The following GALNT1 variants were observed in gnomAD, a reference collection of about 807,000 sequenced individuals.
The protein encoded by GALNT1 is GalNAc transferase 1.
A neutral mutation model predicts 65.7 loss-of-function variants in GALNT1; 17 were observed. The ratio of observed to expected loss-of-function variants is 0.26; its 90% CI spans 0.18 to 0.39. The LOEUF is 0.39. GALNT1 is among the 10% of genes least tolerant of loss of function. The pLI is 1.00. For missense variants in GALNT1, 460 were observed against 672.8 expected (o/e 0.68, Z 3.50); for synonymous variants, 210 against 219.7 (o/e 0.96, Z 0.39).
Position 35,689,214 on chromosome 18 carries a change from A to ATTACT in GALNT1, c.905_909dup (p.Gln304ThrfsTer20). 6.2e-7 allele frequency: 1 copy of ATTACT among 1,613,046 alleles called. No homozygotes were observed. Among genetic ancestry groups the ATTACT allele is most frequent in the Non-Finnish European group, 8.5e-7 (1 of 1,179,362 alleles). ...GGAGGCCTTTTTTCAATAGACAGAG[A>ATTACT]TTACTTTCAGGAAATTGGAACATAT... On this transcript the variant is annotated frameshift_variant, in exon 7 of 12. Coordinates refer to ENST00000269195, the MANE Select transcript of GALNT1 (RefSeq NM_020474.4). LOFTEE classifies it high-confidence loss of function.
intron 3 of GALNT1, among the ~76,000 whole-genome samples, chr18:35,669,204 G>GCCAGAT (rs201609107): frequency 0.033 from 4,962 of 149,788 alleles, 122 homozygotes; most frequent in Middle Eastern, 0.094. Context: ...TCACACCACT[G>GCCAGAT]CACTCCAGCC....
intron 1 of GALNT1, among the ~76,000 whole-genome samples, chr18:35,633,345 C>G (rs1481284763): frequency 6.6e-6 from 1 of 152,114 alleles, no homozygotes; most frequent in Non-Finnish European, 1.5e-5. Context: ...ACATATACAC[C>G]ATGGAATACT....
chr18:35,582,736 T>C (rs964800552), intron 1 of GALNT1, among the ~76,000 whole-genome samples: 12 of 152,210 alleles, frequency 7.9e-5, no homozygotes, highest in Admixed American at 2.6e-4. Context: ...TCTTGTCATT[T>C]CACAGATGAA....
intron 2 of GALNT1, among the ~76,000 whole-genome samples, chr18:35,658,659 C>T (rs1450557394): frequency 6.6e-6 from 1 of 151,182 alleles, no homozygotes; most frequent in East Asian, 1.9e-4. Context: ...ACCAAGGATG[C>T]CAACTTTCTA....
Position 35,654,650 on chromosome 18 carries a change from G to T in GALNT1, c.-13G>T. ...ATATATATTTTTAAATTTTGCATTT[G>T]ACTTAAAGTGCCATGAGAAAATTTG... On this transcript the variant is annotated 5_prime_UTR_variant, in exon 2 of 12. An upstream open reading frame in the 5' UTR loses its in-frame stop. Transcript: ENST00000269195. The T allele has an allele frequency of 7.4e-7, 1 of 1,358,132 alleles. No homozygotes were observed. Among genetic ancestry groups the T allele is most frequent in the South Asian group, 2.2e-5 (1 of 45,054 alleles). The allele number at this position is 1,358,132 out of a possible 1,614,324, so 84.1% of individuals were successfully genotyped here.
At chr18:35,635,010 A>G (rs1281634277) in intron 1 of GALNT1, among the ~76,000 whole-genome samples, 3 of 152,206 alleles carry the variant, frequency 2.0e-5, no homozygotes, top group Non-Finnish European at 4.4e-5. Flanking sequence ...AAATTATTTA[A>G]TGGAATCTGT....
intron 1 of GALNT1, chr18:35,597,216 G>T (rs909496141): frequency 3.9e-5 from 6 of 152,190 alleles, no homozygotes; most frequent in African/African-American, 9.7e-5. Context: ...TGAAACCTAG[G>T]TCATGCTGGA....
At chr18:35,636,921 G>C (rs561430767) in intron 1 of GALNT1, among the ~76,000 whole-genome samples, 1 of 150,332 alleles carries the variant, frequency 6.7e-6, no homozygotes, top group South Asian at 2.1e-4. Flanking sequence ...AATTCTTAGA[G>C]TATTTCAGAG....
At chr18:35,678,056 A>G (rs2047735768) in intron 4 of GALNT1, among the ~76,000 whole-genome samples, 1 of 152,208 alleles carries the variant, frequency 6.6e-6, no homozygotes, top group African/African-American at 2.4e-5. Flanking sequence ...TCATTTTGTT[A>G]GGATTTTCTC....
intron 9 of GALNT1, among the ~76,000 whole-genome samples, chr18:35,702,584 G>A (rs2144739779): frequency 6.6e-6 from 1 of 152,032 alleles, no homozygotes; most frequent in Admixed American, 6.6e-5. Context: ...GTGTCATCAG[G>A]GAGTTAATTT....
intron 1 of GALNT1, among the ~76,000 whole-genome samples, chr18:35,627,969 T>G (rs1170477385): frequency 6.6e-6 from 1 of 151,550 alleles, no homozygotes; most frequent in East Asian, 1.9e-4. Flanking sequence ...CCTCGCTCAT[T>G]GCTAGCATAG....
intron 6 of GALNT1, among the ~76,000 whole-genome samples, chr18:35,688,700 A>G (rs371875226): frequency 9.2e-5 from 14 of 152,158 alleles, no homozygotes; most frequent in East Asian, 3.8e-4. Context: ...TTATGTATTT[A>G]TACTATTTGC....
At chr18:35,641,752 G>A (rs980081849) in intron 1 of GALNT1, among the ~76,000 whole-genome samples, 1 of 152,176 alleles carries the variant, frequency 6.6e-6, no homozygotes, top group African/African-American at 2.4e-5. Context: ...CTGGTGGGTG[G>A]TTTCAGCCAC....
At chr18:35,628,693 AG>A (rs1360423572) in intron 1 of GALNT1, among the ~76,000 whole-genome samples, 1 of 152,250 alleles carries the variant, frequency 6.6e-6, no homozygotes, top group Non-Finnish European at 1.5e-5. Flanking sequence ...GCTCCTCACC[AG>A]CAACGGAACA....
At chr18:35,622,586 G>A (rs1172079710) in intron 1 of GALNT1, among the ~76,000 whole-genome samples, 1 of 152,158 alleles carries the variant, frequency 6.6e-6, no homozygotes, top group African/African-American at 2.4e-5. Flanking sequence ...TACAGAAGAC[G>A]TCAACTGAAT....
At chr18:35,607,660 C>CG (rs1342929518) in intron 1 of GALNT1, among the ~76,000 whole-genome samples, 1 of 152,108 alleles carries the variant, frequency 6.6e-6, no homozygotes, top group Non-Finnish European at 1.5e-5. Flanking sequence ...TTTGCTGACT[C>CG]GGGCTGGTCT....
chr18:35,656,352 C>A (rs1425537696), intron 2 of GALNT1, among the ~76,000 whole-genome samples: 1 of 152,178 alleles, frequency 6.6e-6, no homozygotes, highest in Non-Finnish European at 1.5e-5. Flanking sequence ...AGACAAAATT[C>A]CTCCCTTCAG....
intron 2 of GALNT1, among the ~76,000 whole-genome samples, chr18:35,656,766 T>A (rs2047393527): frequency 6.6e-6 from 1 of 152,158 alleles, no homozygotes; most frequent in Admixed American, 6.5e-5. Context: ...AATGCTTTGG[T>A]GGTCATGTAA....
At chr18:35,631,535 T>A (rs2047010031) in intron 1 of GALNT1, among the ~76,000 whole-genome samples, 1 of 152,116 alleles carries the variant, frequency 6.6e-6, no homozygotes, top group African/African-American at 2.4e-5. Flanking sequence ...CTGAATAAAT[T>A]AGGTATTCAT....
Sources: gnomAD v4.1 joint callset for allele counts (sites outside exome capture counted in the v4.1 genomes callset) on GRCh38, gnomAD v4.1.1 for gene constraint, MANE v1.5 for transcripts, NCBI Gene and HGNC (gene_info 2026-07-23, HGNC 2026-07-21) for gene names.